Variants in MCU observed in about 807,000 individuals in gnomAD.
MCU encodes calcium uniporter protein, mitochondrial.
In MCU, 12 loss-of-function variants were observed where a neutral mutation model predicts 45.2. That is an observed-to-expected ratio of 0.27 (90% CI 0.17 to 0.43). MCU has a LOEUF of 0.43. Ranked by LOEUF, MCU falls within the 20% of genes least tolerant of loss-of-function variation. The pLI is 1.00. For missense variants in MCU, 324 were observed against 436.7 expected (o/e 0.74, Z 2.30); for synonymous variants, 160 against 165.1 (o/e 0.97, Z 0.24).
intron 1 of MCU, chr10:72,715,926 A>G (rs747215235): frequency 2.0e-5 from 20 of 981,338 alleles, no homozygotes; most frequent in Non-Finnish European, 2.4e-5. Flanking sequence ...ATGATTCATA[A>G]GCATTTTCTC....
intron 1 of MCU, among the ~76,000 whole-genome samples, chr10:72,734,988 A>C (rs1418322670): frequency 6.6e-6 from 1 of 150,978 alleles, no homozygotes; most frequent in Admixed American, 6.6e-5. Context: ...CTGAGGCTGG[A>C]TTGCCTGAGC....
chr10:72,789,593 A>T (rs1055499881), intron 1 of MCU, among the ~76,000 whole-genome samples: 1 of 152,138 alleles, frequency 6.6e-6, no homozygotes, highest in Non-Finnish European at 1.5e-5. Flanking sequence ...ACATCCAGAT[A>T]AAAAAGGTCA....
At chr10:72,706,662 G>A (rs1038706755) in intron 1 of MCU, among the ~76,000 whole-genome samples, 3 of 148,112 alleles carry the variant, frequency 2.0e-5, no homozygotes, top group Non-Finnish European at 3.0e-5. Context: ...TCAGCCTCCC[G>A]AGTAGCTGGG....
chr10:72,780,658 A>G (rs538812674), intron 1 of MCU, among the ~76,000 whole-genome samples: 1 of 152,156 alleles, frequency 6.6e-6, no homozygotes, highest in South Asian at 2.1e-4. Flanking sequence ...TACTTGATTT[A>G]GATGAAGTCA....
At chr10:72,865,999 G>A (rs752226010) in intron 4 of MCU, among the ~76,000 whole-genome samples, 1 of 150,116 alleles carries the variant, frequency 6.7e-6, no homozygotes, top group African/African-American at 2.4e-5. Context: ...GAATGGTCTT[G>A]ATCTCCTGAC....
intron 1 of MCU, among the ~76,000 whole-genome samples, chr10:72,751,084 T>G (rs1843487366): frequency 6.6e-6 from 1 of 152,122 alleles, no homozygotes; most frequent in Non-Finnish European, 1.5e-5. Flanking sequence ...CACTGCAATC[T>G]CCATCTCCTG....
chr10:72,819,443 T>C (rs1017971522), intron 1 of MCU, among the ~76,000 whole-genome samples: 5 of 152,184 alleles, frequency 3.3e-5, no homozygotes, highest in African/African-American at 1.2e-4. Flanking sequence ...TTTGTTTGTT[T>C]ATTTGTTTAT....
At chr10:72,715,519 C>T (rs932865455) in intron 1 of MCU, among the ~76,000 whole-genome samples, 5 of 152,192 alleles carry the variant, frequency 3.3e-5, no homozygotes, top group African/African-American at 1.2e-4. Context: ...TATGCTACCT[C>T]ACACAGTTAC....
At chr10:72,694,461 C>T (rs558239109) in intron 1 of MCU, among the ~76,000 whole-genome samples, 2 of 152,294 alleles carry the variant, frequency 1.3e-5, no homozygotes, top group South Asian at 2.1e-4. Flanking sequence ...CTCTCTCCTC[C>T]CTTATAAAAT....
chr10:72,752,083 C>A (rs893486225), intron 1 of MCU, among the ~76,000 whole-genome samples: 1 of 151,940 alleles, frequency 6.6e-6, no homozygotes, highest in African/African-American at 2.4e-5. Context: ...TCGTGATCCA[C>A]CCCCCTAGGC....
At chr10:72,814,103 CAT>C (rs1476702007) in intron 1 of MCU, among the ~76,000 whole-genome samples, 4 of 152,168 alleles carry the variant, frequency 2.6e-5, no homozygotes, top group Non-Finnish European at 5.9e-5. Context: ...CAGTTACACA[CAT>C]GTTCAACAAA....
chr10:72,733,521 G>A (rs1401399741), intron 1 of MCU, among the ~76,000 whole-genome samples: 5 of 151,940 alleles, frequency 3.3e-5, no homozygotes, highest in African/African-American at 7.3e-5. Flanking sequence ...CCAGGAATTC[G>A]AGTCCAGCTT....
At chr10:72,854,833 A>T (rs1016944629) in intron 2 of MCU, among the ~76,000 whole-genome samples, 3 of 152,236 alleles carry the variant, frequency 2.0e-5, no homozygotes, top group Non-Finnish European at 2.9e-5. Context: ...GCACCACAGT[A>T]ACAGAGTTTG....
intron 1 of MCU, among the ~76,000 whole-genome samples, chr10:72,779,898 C>T (rs1031401520): frequency 3.3e-5 from 5 of 152,252 alleles, no homozygotes; most frequent in South Asian, 2.1e-4. Context: ...ACATGTATTT[C>T]CCATAGAACC....
intron 1 of MCU, among the ~76,000 whole-genome samples, chr10:72,694,026 C>G (rs1190311964): frequency 6.6e-6 from 1 of 152,184 alleles, no homozygotes; most frequent in Non-Finnish European, 1.5e-5. Flanking sequence ...TGTGGGGATA[C>G]TTCACGAAGG....
chr10:72,789,114 T>C (rs1411144888), intron 1 of MCU, among the ~76,000 whole-genome samples: 1 of 152,152 alleles, frequency 6.6e-6, no homozygotes, highest in Non-Finnish European at 1.5e-5. Context: ...GGGTATTAGA[T>C]GAGGAAAATT....
chr10:72,712,833 AAC>A lies in MCU; in HGVS notation c.150+20535_150+20536del, dbSNP rs139339728. ...TTTCATGCTGTTGTCTTTCATTTCC[AAC>A]ACTCTTGATAATGGTTTGAACATTT... On this transcript the variant is annotated intron_variant, in intron 1 of 7. Coordinates refer to ENST00000373053, the MANE Select transcript of MCU (RefSeq NM_138357.3). Among the ~76,000 whole-genome samples the A allele has an allele frequency of 7.8e-3, 1,183 of 152,310 alleles. 17 individuals carry two copies. The highest frequency in any genetic ancestry group is 0.027 in the African/African-American group (1,117 of 41,554).
At position 72,884,253 on chromosome 10, in the gene MCU, T is replaced by G. The variant is rs751538475; in HGVS notation, c.862-13T>G. 6 of 1,478,378 alleles carry G rather than the reference T, an allele frequency of 4.1e-6. No homozygotes were observed. The South Asian group carries it at 4.5e-5, about 11-fold the overall frequency. The allele number at this position is 1,478,378 out of a possible 1,614,324, so 91.6% of individuals were successfully genotyped here. A position where few individuals can be genotyped will look rare whatever the true frequency, so the allele number is the denominator to read the frequency against. The stretch of plus-strand genomic sequence containing the variant: ...TGCTAAGGACTGATAATTCCGTTTC[T>G]TCATTTTTTTAGGAATATGTTTATC... On this transcript the variant is annotated splice_polypyrimidine_tract_variant and intron_variant, in intron 6 of 7. Transcript: ENST00000373053.
intron 1 of MCU, among the ~76,000 whole-genome samples, chr10:72,806,650 A>T (rs908287604): frequency 1.3e-5 from 2 of 152,210 alleles, no homozygotes; most frequent in Non-Finnish European, 2.9e-5. Context: ...GGGAACAATA[A>T]ATCAATAAGA....
Sources: gnomAD v4.1 joint callset for allele counts (sites outside exome capture counted in the v4.1 genomes callset) on GRCh38, gnomAD v4.1.1 for gene constraint, MANE v1.5 for transcripts, NCBI Gene and HGNC (gene_info 2026-07-23, HGNC 2026-07-21) for gene names.